PLXDC2: variants seen among roughly 807,000 people sequenced by gnomAD.
The protein encoded by PLXDC2 is plexin domain containing 2, also known as plexin domain-containing protein 2.
Under a neutral mutation model 68.9 loss-of-function variants are expected in PLXDC2, and 40 were observed. The observed-to-expected ratio is 0.58, with a 90% CI of 0.45 to 0.76. The LOEUF is 0.76. PLXDC2 is among the 30% of genes least tolerant of loss of function. PLXDC2 has a pLI of 0.00. For missense variants in PLXDC2, 644 were observed against 661.9 expected, an observed-to-expected ratio of 0.97 and a Z score of 0.30; for synonymous variants, 243 against 234.2, an observed-to-expected ratio of 1.04 and a Z score of -0.34.
chr10:19,830,547 C>G (rs1176628639), intron 1 of PLXDC2, among the ~76,000 whole-genome samples: 1 of 152,132 alleles, frequency 6.6e-6, no homozygotes, highest in Non-Finnish European at 1.5e-5. Context: ...TTCCCCCATC[C>G]TTTGGTAACA....
intron 2 of PLXDC2, among the ~76,000 whole-genome samples, chr10:20,005,898 G>A (rs1201794460): frequency 1.3e-5 from 2 of 152,052 alleles, no homozygotes; most frequent in Non-Finnish European, 2.9e-5. Flanking sequence ...CTCTTGAAAT[G>A]GTATTTGTGG....
chr10:20,260,877 T>A (rs554623902), intron 13 of PLXDC2, among the ~76,000 whole-genome samples: 7 of 152,226 alleles, frequency 4.6e-5, no homozygotes, highest in African/African-American at 1.7e-4. Flanking sequence ...GTCTTTTCAA[T>A]AATATTCATC....
intron 12 of PLXDC2, among the ~76,000 whole-genome samples, chr10:20,230,372 GA>G (rs1835344604): frequency 6.6e-6 from 1 of 151,894 alleles, no homozygotes; most frequent in South Asian, 2.1e-4. Flanking sequence ...AGGAAAATAT[GA>G]AAAGGAAAAA....
At chr10:20,068,745 A>G (rs1836262868) in intron 4 of PLXDC2, among the ~76,000 whole-genome samples, 1 of 151,422 alleles carries the variant, frequency 6.6e-6, no homozygotes, top group African/African-American at 2.4e-5. Flanking sequence ...TTGATTGACA[A>G]CTCATTTGAG....
intron 1 of PLXDC2, among the ~76,000 whole-genome samples, chr10:19,890,716 C>T (rs1183885596): frequency 7.9e-6 from 1 of 127,118 alleles, no homozygotes; most frequent in Non-Finnish European, 1.6e-5. Context: ...AAATCAAGAA[C>T]GGCTAAACCC....
chr10:20,252,369 A>G (rs1343786221), intron 13 of PLXDC2, among the ~76,000 whole-genome samples: 1 of 152,232 alleles, frequency 6.6e-6, no homozygotes, highest in Non-Finnish European at 1.5e-5. Flanking sequence ...AAATGATAGT[A>G]TCTTGGATAT....
At chr10:19,836,201 G>A (rs1836789568) in intron 1 of PLXDC2, among the ~76,000 whole-genome samples, 1 of 151,802 alleles carries the variant, frequency 6.6e-6, no homozygotes, top group Admixed American at 6.6e-5. Flanking sequence ...AAAAGAGTAT[G>A]GTTGGGAAGT....
intron 4 of PLXDC2, among the ~76,000 whole-genome samples, chr10:20,083,079 G>A (rs185774396): frequency 3.3e-5 from 5 of 152,222 alleles, no homozygotes; most frequent in African/African-American, 1.2e-4. Context: ...AGATATACAA[G>A]AAACTATTAA....
intron 2 of PLXDC2, among the ~76,000 whole-genome samples, chr10:20,008,212 A>G (rs561881622): frequency 6.6e-6 from 1 of 152,314 alleles, no homozygotes; most frequent in Non-Finnish European, 1.5e-5. Flanking sequence ...GCCTTTAACT[A>G]GAAAGTCTGT....
chr10:20,070,583 GA>G (rs1836299509), intron 4 of PLXDC2, among the ~76,000 whole-genome samples: 1 of 152,146 alleles, frequency 6.6e-6, no homozygotes, highest in African/African-American at 2.4e-5. Flanking sequence ...AATGAAAAGG[GA>G]AGAGGAAAAT....
intron 1 of PLXDC2, among the ~76,000 whole-genome samples, chr10:19,849,302 T>A (rs1447770132): frequency 8.9e-6 from 1 of 111,778 alleles, no homozygotes; most frequent in African/African-American, 2.9e-5. Context: ...AGACAAGTAT[T>A]CTGTCTCGCT....
chr10:20,219,215 T>C, intron 12 of PLXDC2, 113 bp downstream of exon 12: 1 of 1,131,958 alleles, frequency 8.8e-7, no homozygotes, highest in Non-Finnish European at 1.2e-6. Context: ...GGTTGTGTTT[T>C]ATTCTCCGTT....
intron 1 of PLXDC2, among the ~76,000 whole-genome samples, chr10:19,871,608 A>T (rs1008990029): frequency 6.6e-6 from 1 of 152,050 alleles, no homozygotes; most frequent in African/African-American, 2.4e-5. Context: ...AATGACTTAT[A>T]TTGGGCCAGA....
chr10:20,012,320 TTTTTTTTTTTTTTTGG>T lies in PLXDC2; in HGVS notation c.324+10335_324+10350del, dbSNP rs1430375960. Among the ~76,000 whole-genome samples the T allele has an allele frequency of 5.6e-4, 11 of 19,490 alleles. 1 individual carries two copies. The highest frequency in any genetic ancestry group is 1.9e-3 in the East Asian group (1 of 530). The allele number at this position is 19,490 out of a possible 152,430, so 12.8% of individuals were successfully genotyped here. On this transcript the variant is annotated intron_variant, in intron 2 of 13. Coordinates refer to ENST00000377252, the MANE Select transcript of PLXDC2 (RefSeq NM_032812.9). ...CTCTCTCTCTTTTTTATTTTTTTTT[TTTTTTTTTTTTTTTGG>T]AGAAGGAGACTTGCTGTGTTTCCCA... is the stretch of plus-strand genomic sequence containing the variant.
intron 1 of PLXDC2, among the ~76,000 whole-genome samples, chr10:19,919,410 T>G (rs1438141080): frequency 6.6e-6 from 1 of 152,140 alleles, no homozygotes; most frequent in Non-Finnish European, 1.5e-5. Context: ...TATTCTAAAC[T>G]GCCAAGCTTG....
intron 1 of PLXDC2, among the ~76,000 whole-genome samples, chr10:19,864,531 T>A (rs1837378636): frequency 3.3e-5 from 5 of 152,226 alleles, no homozygotes; most frequent in African/African-American, 9.6e-5. Context: ...AAATTTTTTT[T>A]ATCAAAAATA....
At chr10:20,004,985 A>C (rs1362150641) in intron 2 of PLXDC2, among the ~76,000 whole-genome samples, 2 of 152,154 alleles carry the variant, frequency 1.3e-5, no homozygotes, top group Admixed American at 1.3e-4. Context: ...AGCAGCCTTG[A>C]AAGATTTGTG....
intron 1 of PLXDC2, among the ~76,000 whole-genome samples, chr10:19,925,117 G>A (rs375005110): frequency 8.5e-5 from 13 of 152,178 alleles, no homozygotes; most frequent in Admixed American, 2.6e-4. Flanking sequence ...AGTTCCAGCC[G>A]TGACACCAGT....
intron 13 of PLXDC2, among the ~76,000 whole-genome samples, chr10:20,266,405 ATTG>A (rs1835873158): frequency 6.6e-6 from 1 of 151,962 alleles, no homozygotes; most frequent in Non-Finnish European, 1.5e-5. Context: ...TACAAGAACA[ATTG>A]TTGTTTATTG....
Sources: gnomAD v4.1 joint callset for allele counts (sites outside exome capture counted in the v4.1 genomes callset) on GRCh38, gnomAD v4.1.1 for gene constraint, MANE v1.5 for transcripts, NCBI Gene and HGNC (gene_info 2026-07-23, HGNC 2026-07-21) for gene names.